CGGBP1: variants seen among roughly 807,000 people sequenced by gnomAD.
CGGBP1 encodes CGG triplet repeat binding protein 1, also known as CGG triplet repeat-binding protein 1.
Under a neutral mutation model 11.4 loss-of-function variants are expected in CGGBP1, and 4 were observed. The observed-to-expected ratio is 0.35, with a 90% confidence interval of 0.17 to 0.80. The LOEUF is 0.80. CGGBP1 is among the 30% of genes least tolerant of loss of function. The pLI is 0.52. For missense variants in CGGBP1, 135 were observed against 202.1 expected, an observed-to-expected ratio of 0.67 and a Z score of 2.01; for synonymous variants, 76 against 74.1, an observed-to-expected ratio of 1.03 and a Z score of -0.13.
At position 88,134,271 on chromosome 3, in the gene CGGBP1, T is replaced by G. The variant is rs537208162; in HGVS notation, c.-229+6699A>C. Among the ~76,000 whole-genome samples, 17 of 152,240 alleles carry G rather than the reference T, an allele frequency of 1.1e-4. 1 individual carries two copies. In the South Asian group the frequency reaches 3.5e-3, roughly 32 times the overall value. ...GATGGTAATCAAGCTGTCCTTAGAT[T>G]TAATACCTGTATGTGCTGAGTTCAA... On this transcript the variant is annotated intron_variant, in intron 2 of 3. Coordinates refer to the CGGBP1 transcript ENST00000462901.
chr3:88,140,838 G>C lies in CGGBP1; in HGVS notation c.-229+132C>G, dbSNP rs1418528952. The C allele has an allele frequency of 6.2e-7, 1 of 1,613,526 alleles. No individual in the cohort carries two copies. Among genetic ancestry groups the C allele is most frequent in the Non-Finnish European group, 8.5e-7 (1 of 1,179,720 alleles). ...CAGACCATTGCCTCCCAGTTACCTTGATGAACGGTATCTTAGTATGCCAAA... is the reference window on the plus strand; with the variant it reads ...CAGACCATTGCCTCCCAGTTACCTTCATGAACGGTATCTTAGTATGCCAAA... On this transcript the variant is annotated intron_variant, in intron 2 of 3. Coordinates refer to the CGGBP1 transcript ENST00000462901.
intron 2 of CGGBP1, chr3:88,140,077 T>C (rs1443372517): frequency 1.2e-5 from 19 of 1,613,828 alleles, no homozygotes; most frequent in Admixed American, 1.7e-5. Context: ...CAACATTTTA[T>C]AGACCACCTT....
At chr3:88,097,282 T>G (rs772082133) in intron 2 of CGGBP1, among the ~76,000 whole-genome samples, 10 of 152,156 alleles carry the variant, frequency 6.6e-5, no homozygotes, top group Admixed American at 1.3e-4. Flanking sequence ...GCTGCCAAAT[T>G]TCCTCTGTAA....
At chr3:88,059,166 G>T, upstream of CGGBP1, 1 of 1,390,314 alleles carries the variant, frequency 7.2e-7, no homozygotes, top group Non-Finnish European at 9.4e-7. Context: ...GGCGTGGGTG[G>T]GCGGAGCCGG....
At chr3:88,084,057 A>G (rs1708220909) in intron 2 of CGGBP1, among the ~76,000 whole-genome samples, 2 of 152,162 alleles carry the variant, frequency 1.3e-5, no homozygotes, top group South Asian at 2.1e-4. Flanking sequence ...AACGGTATCT[A>G]AATTTCAGTT....
chr3:88,118,073 A>G (rs1453477678), intron 2 of CGGBP1, among the ~76,000 whole-genome samples: 1 of 152,162 alleles, frequency 6.6e-6, no homozygotes, highest in Non-Finnish European at 1.5e-5. Context: ...TGAAATGCCA[A>G]CTAAACCAGT....
intron 2 of CGGBP1, among the ~76,000 whole-genome samples, chr3:88,118,422 A>G (rs1299096722): frequency 6.6e-6 from 1 of 152,140 alleles, no homozygotes; most frequent in East Asian, 1.9e-4. Flanking sequence ...AAAGGAGTTG[A>G]AAAGCCCACC....
chr3:88,077,526 G>A (rs1392402185), intron 2 of CGGBP1, among the ~76,000 whole-genome samples: 1 of 151,680 alleles, frequency 6.6e-6, no homozygotes, highest in Admixed American at 6.6e-5. Flanking sequence ...TAGTAGAGAC[G>A]GGGTTTCCCT....
chr3:88,092,777 C>G (rs1336098230), intron 2 of CGGBP1, among the ~76,000 whole-genome samples: 1 of 152,022 alleles, frequency 6.6e-6, no homozygotes. Context: ...TTGTAAGTTA[C>G]TATATTCTCT....
intron 2 of CGGBP1, among the ~76,000 whole-genome samples, chr3:88,093,790 C>A (rs1376268145): frequency 6.6e-6 from 1 of 152,146 alleles, no homozygotes; most frequent in African/African-American, 2.4e-5. Flanking sequence ...TCTAGGCTTT[C>A]AACTAATTTA....
At chr3:88,123,810 T>C (rs1705924396) in intron 2 of CGGBP1, among the ~76,000 whole-genome samples, 1 of 152,208 alleles carries the variant, frequency 6.6e-6, no homozygotes, top group African/African-American at 2.4e-5. Context: ...ACTTACCTTA[T>C]TTCTCATGCT....
chr3:88,086,156 G>T (rs551314576), intron 2 of CGGBP1: 19 of 1,074,622 alleles, frequency 1.8e-5, no homozygotes, highest in Middle Eastern at 3.1e-4. Flanking sequence ...TGTTCATGCC[G>T]ATCTAATATT....
chr3:88,062,601 T>A (rs1210193164), upstream of CGGBP1, among the ~76,000 whole-genome samples: 8 of 152,190 alleles, frequency 5.3e-5, no homozygotes, highest in South Asian at 2.1e-4. Flanking sequence ...ATACACTGAA[T>A]TTTTTGTCAT....
intron 2 of CGGBP1, among the ~76,000 whole-genome samples, chr3:88,096,360 G>T (rs1293924608): frequency 1.3e-5 from 2 of 152,040 alleles, no homozygotes; most frequent in African/African-American, 4.8e-5. Flanking sequence ...AAGCAGCACC[G>T]ATTTGTGTGA....
At chr3:88,061,605 A>C (rs1161763655), upstream of CGGBP1, among the ~76,000 whole-genome samples, 2 of 152,132 alleles carry the variant, frequency 1.3e-5, no homozygotes, top group Admixed American at 6.5e-5. Flanking sequence ...CCTTTTTTAT[A>C]TTAAAGCTTT....
chr3:88,079,468 T>A (rs1707973226), intron 2 of CGGBP1, among the ~76,000 whole-genome samples: 1 of 152,108 alleles, frequency 6.6e-6, no homozygotes, highest in African/African-American at 2.4e-5. Flanking sequence ...AACTTCAAAC[T>A]GGAACTGATA....
intron 2 of CGGBP1, among the ~76,000 whole-genome samples, chr3:88,119,531 T>TA (rs1168443205): frequency 6.6e-6 from 1 of 151,058 alleles, no homozygotes; most frequent in Non-Finnish European, 1.5e-5. Flanking sequence ...CCCTAAAACT[T>TA]AAAGTATAAT....
At chr3:88,067,950 T>C (rs1707294940) in intron 2 of CGGBP1, among the ~76,000 whole-genome samples, 2 of 152,042 alleles carry the variant, frequency 1.3e-5, no homozygotes, top group South Asian at 2.1e-4. Context: ...GAATGATCCA[T>C]TTGAAAGGAA....
At chr3:88,139,129 A>G in intron 2 of CGGBP1, 4 of 1,285,828 alleles carry the variant, frequency 3.1e-6, no homozygotes, top group Non-Finnish European at 3.0e-6. Context: ...GGTAATCTAA[A>G]AAGGACGGAG....
Sources: gnomAD v4.1 joint callset for allele counts (sites outside exome capture counted in the v4.1 genomes callset) on GRCh38, gnomAD v4.1.1 for gene constraint, MANE v1.5 for transcripts, NCBI Gene and HGNC (gene_info 2026-07-23, HGNC 2026-07-21) for gene names.